HTRA3: variants seen among roughly 807,000 people sequenced by gnomAD.
HTRA3 encodes the protein serine protease HTRA3.
Under a neutral mutation model 43.2 loss-of-function variants are expected in HTRA3, and 41 were observed. That is an observed-to-expected ratio of 0.95 (90% CI 0.74 to 1.23). HTRA3 has a LOEUF of 1.23. Among genes scored for constraint, HTRA3 ranks in the 50% most tolerant of loss-of-function variants. HTRA3 has a pLI of 0.00. For synonymous variants in HTRA3, 295 were observed against 287.9 expected (o/e 1.02, Z -0.25); for missense variants, 628 against 647.1 (o/e 0.97, Z 0.32).
rs1369877905 is a variant in HTRA3 at position 8,304,236 on chromosome 4, G to C, written c.1153G>C (p.Gly385Arg). ...SNPDFPEVSS[G>R]IYVQEVAPNS... ...CCCGGACTTCCCAGAGGTCAGCAGT[G>C]GAATTTATGTGCAAGAGGTTGCGCC... Residue 385 changes from glycine (G) to arginine (R), a missense_variant, in exon 8 of 9, where the codon GGA (glycine) becomes CGA (arginine). Physicochemically the swap from Gly to Arg is moderately radical, Grantham distance 125. Transcript: ENST00000307358. The C allele has an allele frequency of 1.9e-6, 3 of 1,614,030 alleles. No homozygotes were observed. Among genetic ancestry groups the C allele is most frequent in the African/African-American group, 2.7e-5 (2 of 74,912 alleles).
At chr4:8,275,194 C>G (rs1385500328) in intron 1 of HTRA3, among the ~76,000 whole-genome samples, 2 of 152,226 alleles carry the variant, frequency 1.3e-5, no homozygotes, top group African/African-American at 4.8e-5. Flanking sequence ...CGCTGTGCAG[C>G]TGCCCTTCCT....
chr4:8,282,642 A>G (rs974156645), intron 2 of HTRA3, 106 bp downstream of exon 2: 1 of 867,250 alleles, frequency 1.2e-6, no homozygotes. Context: ...GGCCACAGAA[A>G]CTGGAGTGGC....
Position 8,302,450 on chromosome 4 carries a change from G to A in HTRA3, c.1052-13G>A. The A allele has an allele frequency of 1.9e-6, 3 of 1,614,026 alleles. No individual in the cohort carries two copies. The highest frequency in any genetic ancestry group is 2.5e-6 in the Non-Finnish European group (3 of 1,179,930). ...AGCAGCCCTAACGGAGTCTCGCCGTGTTTCATTTCCAGACTGGAAGAAGCG... is the reference window on the plus strand; with the variant it reads ...AGCAGCCCTAACGGAGTCTCGCCGTATTTCATTTCCAGACTGGAAGAAGCG... On this transcript the variant is annotated splice_polypyrimidine_tract_variant and intron_variant, in intron 6 of 8. Transcript: ENST00000307358.
At chr4:8,284,384 G>C (rs1193607332) in intron 2 of HTRA3, among the ~76,000 whole-genome samples, 1 of 152,192 alleles carries the variant, frequency 6.6e-6, no homozygotes, top group Admixed American at 6.5e-5. Flanking sequence ...ACTAATTACT[G>C]ACTCCAGCCC....
intron 1 of HTRA3, among the ~76,000 whole-genome samples, chr4:8,271,023 C>A (rs1323457858): frequency 6.6e-6 from 1 of 152,188 alleles, no homozygotes; most frequent in East Asian, 1.9e-4. Flanking sequence ...GGAAAGCAGA[C>A]TCTGCTGTGG....
chr4:8,300,746 T>G (rs1289720009), intron 6 of HTRA3, among the ~76,000 whole-genome samples: 1 of 150,318 alleles, frequency 6.7e-6, no homozygotes, highest in East Asian at 2.2e-4. Flanking sequence ...ACACTCTTCA[T>G]TGATTCACAC....
chr4:8,286,625 G>A lies in HTRA3; in HGVS notation c.550G>A (p.Gly184Ser), dbSNP rs754158337. 53 of 1,614,064 alleles carry A rather than the reference G, an allele frequency of 3.3e-5. No individual in the cohort carries two copies. Among genetic ancestry groups the A allele is most frequent in the Non-Finnish European group, 4.2e-5 (49 of 1,180,052 alleles). The stretch of plus-strand genomic sequence containing the variant: ...TTCTGGCTTCATCATGTCAGAGGCC[G>A]GCCTGATCATCACCAATGCCCACGT... The part of the protein sequence containing the change: ...SGSGFIMSEA[G>S]LIITNAHVVS... The change falls in exon 3 of 9, where the codon GGC becomes AGC. Residue 184 changes from glycine (G) to serine (S), a missense_variant. Transcript: ENST00000307358. This position sits in a 1 kb window ranked among gnomAD's most constrained non-coding sequence, Gnocchi z 4.9.
At position 8,269,846 on chromosome 4, in the gene HTRA3, T is replaced by G; in HGVS notation, c.-123T>G. On this transcript the variant is annotated 5_prime_UTR_variant, in exon 1 of 9. The change abolishes the stop of an existing upstream ORF in the 5' untranslated region. Transcript: ENST00000307358. ...CGCCAGCCTGAGCCACCGGCGCATG[T>G]GACCGCGCGTCCGCCCCAGTCCCAT... The G allele has an allele frequency of 3.2e-6, 1 of 312,920 alleles. No individual in the cohort carries two copies. Among genetic ancestry groups the G allele is most frequent in the Non-Finnish European group, 4.7e-6 (1 of 213,590 alleles). The allele number at this position is 312,920 out of a possible 1,614,324, so 19.4% of individuals were successfully genotyped here. A position where few individuals can be genotyped will look rare whatever the true frequency, so the allele number is the denominator to read the frequency against.
chr4:8,292,139 A>G (rs1367024330), intron 4 of HTRA3, among the ~76,000 whole-genome samples, 182 bp from the exon 5 acceptor site: 1 of 152,240 alleles, frequency 6.6e-6, no homozygotes, highest in Non-Finnish European at 1.5e-5. Context: ...CTCGGTCATC[A>G]GGCAGCCATC....
At chr4:8,298,685 C>T (rs1207392308) in intron 6 of HTRA3, among the ~76,000 whole-genome samples, 1 of 152,164 alleles carries the variant, frequency 6.6e-6, no homozygotes, top group East Asian at 1.9e-4. Context: ...TTAAATAGTG[C>T]AAAGTATAGA....
rs13135252 is a variant in HTRA3 at position 8,272,899 on chromosome 4, G to A, written c.385+2546G>A. Among the ~76,000 whole-genome samples the A allele has an allele frequency of 9.7e-3, 1,474 of 152,332 alleles. 16 individuals carry two copies. Among genetic ancestry groups the A allele is most frequent in the South Asian group, 0.054 (263 of 4,828 alleles). On this transcript the variant is annotated intron_variant, in intron 1 of 8. Transcript: ENST00000307358. ...CCAGGGCGCCGTTCACACTGTGGGC[G>A]GTGTGCAGCCCTGCCACTGTAGCCC...
chr4:8,284,686 T>C (rs1712888917), intron 2 of HTRA3, among the ~76,000 whole-genome samples: 1 of 152,144 alleles, frequency 6.6e-6, no homozygotes, highest in Non-Finnish European at 1.5e-5. Context: ...TGGCTGCGGA[T>C]GTGAGTGGAC....
At chr4:8,284,877 C>T (rs1044784651) in intron 2 of HTRA3, among the ~76,000 whole-genome samples, 1 of 152,154 alleles carries the variant, frequency 6.6e-6, no homozygotes, top group East Asian at 1.9e-4. Context: ...CTTGTGGCTG[C>T]CATAACAAAG....
chr4:8,270,033 C>A lies in HTRA3; in HGVS notation c.65C>A (p.Ala22Glu). 16 of 1,372,182 alleles carry A rather than the reference C, an allele frequency of 1.2e-5. No homozygotes were observed. The highest frequency in any genetic ancestry group is 1.5e-5 in the Non-Finnish European group (16 of 1,067,758). The allele number at this position is 1,372,182 out of a possible 1,614,324, so 85.0% of individuals were successfully genotyped here. A position where few individuals can be genotyped will look rare whatever the true frequency, so the allele number is the denominator to read the frequency against. The change falls in exon 1 of 9, where the codon GCG becomes GAG. Residue 22 changes from alanine to glutamate, a missense_variant. Ala to Glu is a moderately radical substitution (Grantham distance 107). Coordinates refer to ENST00000307358, the MANE Select transcript of HTRA3 (RefSeq NM_053044.5). ...CTGGCGCTGGCCCGGGAGCCCCCTG[C>A]GGCGCCGTGTCCCGCGCGCTGCGAC... ...AALALAREPPAAPCPARCDVS... is the reference protein window; with the variant it reads ...AALALAREPPEAPCPARCDVS...
intron 6 of HTRA3, among the ~76,000 whole-genome samples, chr4:8,301,257 A>T (rs188464616): frequency 0.016 from 2,380 of 149,250 alleles, 56 homozygotes; most frequent in African/African-American, 0.057. Context: ...ACTCAGCTTT[A>T]TTGATTCACA....
chr4:8,281,783 G>C (rs1043426511), intron 1 of HTRA3, among the ~76,000 whole-genome samples: 5 of 152,250 alleles, frequency 3.3e-5, no homozygotes, highest in African/African-American at 1.2e-4. Context: ...AGCCCGGGAA[G>C]GGTCCAGGGA....
chr4:8,270,774 G>C (rs1712238015), intron 1 of HTRA3, among the ~76,000 whole-genome samples: 1 of 152,160 alleles, frequency 6.6e-6, no homozygotes, highest in Non-Finnish European at 1.5e-5. Flanking sequence ...TGGAGACTGT[G>C]GTTAAGTGCA....
At chr4:8,280,615 T>C (rs1712705665) in intron 1 of HTRA3, among the ~76,000 whole-genome samples, 1 of 152,130 alleles carries the variant, frequency 6.6e-6, no homozygotes, top group Non-Finnish European at 1.5e-5. Flanking sequence ...GAAGCAAACG[T>C]GGGCAGAGAG....
At chr4:8,283,015 G>A (rs1391783730) in intron 2 of HTRA3, among the ~76,000 whole-genome samples, 1 of 152,190 alleles carries the variant, frequency 6.6e-6, no homozygotes, top group Non-Finnish European at 1.5e-5. Flanking sequence ...CCCGGGAGCT[G>A]GGCCAGTGGA....
Sources: gnomAD v4.1 joint callset for allele counts (sites outside exome capture counted in the v4.1 genomes callset) on GRCh38, gnomAD v4.1.1 for gene constraint, Gnocchi (gnomAD v3.1) non-coding constraint, MANE v1.5 for transcripts, NCBI Gene and HGNC (gene_info 2026-07-23, HGNC 2026-07-21) for gene names.